BANP: variants seen among roughly 807,000 people sequenced by gnomAD.
The protein encoded by BANP is BTG3 associated nuclear protein, also known as protein BANP.
BANP carries 11 observed loss-of-function variants against 68.1 expected under a neutral mutation model. The ratio of observed to expected loss-of-function variants is 0.16; its 90% CI spans 0.10 to 0.27. The LOEUF (loss-of-function observed/expected upper bound fraction) is 0.27, where lower values mean the gene tolerates loss of function less well. Among genes scored for constraint, BANP ranks in the 10% least tolerant of loss-of-function variants. The pLI is 1.00. For missense variants in BANP, 504 were observed against 722.7 expected (o/e 0.70, Z 3.47); for synonymous variants, 329 against 303.2 (o/e 1.09, Z -0.88).
intron 2 of BANP, chr16:87,978,716 A>G (rs763314495): frequency 6.0e-5 from 28 of 464,934 alleles, no homozygotes; most frequent in Middle Eastern, 6.4e-4. Flanking sequence ...AGTTTTTAAC[A>G]GTAATACCAG....
chr16:87,976,628 C>G (rs545761506), intron 2 of BANP, among the ~76,000 whole-genome samples: 14 of 152,246 alleles, frequency 9.2e-5, no homozygotes, highest in African/African-American at 2.9e-4. Context: ...TTTATTCCCC[C>G]AGAAGAGAGA....
rs940568075 is a variant in BANP, at chr16:88,067,173, G to A, written c.1377+1841G>A. ...CTTTGACCCTTTGCAGCTCTGTGCC[G>A]CCTGCCACTCAGTGTGTTCTTTGCT... On this transcript the variant is annotated intron_variant, in intron 12 of 13. Coordinates refer to ENST00000682872, the MANE Select transcript of BANP (RefSeq NM_001386991.1). 8.5e-5 allele frequency among the ~76,000 whole-genome samples: 13 copies of A among 152,290 alleles called. No homozygotes were observed. The South Asian group carries it at 1.2e-3, about 15-fold the overall frequency.
At chr16:88,068,621 C>T (rs539521879) in intron 12 of BANP, among the ~76,000 whole-genome samples, 5 of 152,278 alleles carry the variant, frequency 3.3e-5, no homozygotes, top group African/African-American at 1.2e-4. Flanking sequence ...TGCTGGCTGC[C>T]TCCTCCAGTG....
At position 88,018,406 on chromosome 16, in the gene BANP, G is replaced by T. The variant is rs769026392; in HGVS notation, c.656-22G>T. ...GCTTATTTGAGCCTTGGCCATCTGA[G>T]GACCTGTCTTCTGTTTTTCAGAGGA... is the stretch of plus-strand genomic sequence containing the variant. On this transcript the variant is annotated intron_variant, in intron 6 of 13. Transcript: ENST00000682872. The surrounding 1 kb of genome is among the most constrained non-coding windows in gnomAD (Gnocchi z 7.7). 27 of 1,601,780 alleles carry T rather than the reference G, an allele frequency of 1.7e-5. No individual in the cohort carries two copies. Among genetic ancestry groups the T allele is most frequent in the African/African-American group, 2.7e-5 (2 of 74,828 alleles).
chr16:87,950,847 T>C (rs2056735062), upstream of BANP: 1 of 152,104 alleles, frequency 6.6e-6, no homozygotes, highest in South Asian at 2.1e-4. Context: ...GGATAGACAC[T>C]GGGGACCCCT....
rs1370561157 is a variant in BANP, at chr16:88,071,845, C to T, written c.1378-224C>T. On this transcript the variant is annotated intron_variant, in intron 12 of 13. Transcript: ENST00000682872. This position sits in a 1 kb window ranked among gnomAD's most constrained non-coding sequence, Gnocchi z 6.5. ...GGTGCTTGAGGGCGGAGTTGCAGAT[C>T]CAGCAGAGACTCGATGGCACTCTCT... 1.4e-6 allele frequency: 1 copy of T among 707,338 alleles called. No individual in the cohort carries two copies. The highest frequency in any genetic ancestry group is 2.0e-5 in the Admixed American group (1 of 49,708). The allele number at this position is 707,338 out of a possible 1,614,324, so 43.8% of individuals were successfully genotyped here.
Position 88,004,536 on chromosome 16 carries a change from G to T in BANP, c.479+125G>T. 1 of 618,532 alleles carries T rather than the reference G, an allele frequency of 1.6e-6. No homozygotes were observed. The highest frequency in any genetic ancestry group is 2.8e-6 in the Non-Finnish European group (1 of 363,108). 38.3% of individuals were successfully genotyped at this position (618,532 alleles called of 1,614,324 possible). A position where few individuals can be genotyped will look rare whatever the true frequency, so the allele number is the denominator to read the frequency against. Reference sequence around the variant, plus strand: ...TTCATCTCTGTGGTCACAGGGTTGAGCCTGGCAGGCACCGCCCCAGCTCTC... The same window carrying T: ...TTCATCTCTGTGGTCACAGGGTTGATCCTGGCAGGCACCGCCCCAGCTCTC... On this transcript the variant is annotated intron_variant, in intron 5 of 13. Coordinates refer to ENST00000682872, the MANE Select transcript of BANP (RefSeq NM_001386991.1). The surrounding 1 kb of genome is among the most constrained non-coding windows in gnomAD (Gnocchi z 7.0).
intron 11 of BANP, among the ~76,000 whole-genome samples, chr16:88,048,827 C>G (rs947347677): frequency 6.6e-6 from 1 of 151,906 alleles, no homozygotes; most frequent in Non-Finnish European, 1.5e-5. Context: ...GAAAGGACAT[C>G]GATTCTAACA....
At chr16:87,966,068 C>G (rs113845244) in intron 1 of BANP, among the ~76,000 whole-genome samples, 1 of 152,220 alleles carries the variant, frequency 6.6e-6, no homozygotes, top group Admixed American at 6.5e-5. Context: ...TCATCCGCAC[C>G]GCTGTGCAGC....
chr16:88,020,435 C>G (rs778490647), intron 7 of BANP, among the ~76,000 whole-genome samples: 9 of 152,218 alleles, frequency 5.9e-5, no homozygotes, highest in Admixed American at 3.3e-4. Context: ...CGTGCTGGTG[C>G]TTGCTGTGTG....
upstream of BANP, chr16:87,949,797 G>C (rs952195664): frequency 6.6e-6 from 1 of 152,154 alleles, no homozygotes; most frequent in African/African-American, 2.4e-5. Flanking sequence ...CCATGACTGC[G>C]CTGAATCCTG....
In BANP at chr16:88,033,221, C is replaced by T. The variant is rs762967618; in HGVS notation, c.1176C>T (p.Ile392=). ...CACAGCAGGTGCAGATCCACCAGAT[C>T]GGAGAAGACGGACAGGTGCAAGTAG... ...ANAQQVQIHQ[I]GEDGQVQVIP... The change falls in exon 9 of 14, where the codon ATC becomes ATT. Residue 392 remains isoleucine (I), a synonymous_variant. Transcript: ENST00000682872. 2.1e-5 allele frequency: 34 copies of T among 1,606,180 alleles called. No individual in the cohort carries two copies. In the Admixed American group the frequency reaches 2.5e-4, roughly 12 times the overall value.
At chr16:87,982,111 G>A (rs1193002063) in intron 3 of BANP, among the ~76,000 whole-genome samples, 2 of 152,222 alleles carry the variant, frequency 1.3e-5, no homozygotes, top group Non-Finnish European at 2.9e-5. Flanking sequence ...CCAATGGATA[G>A]GATGTGGCTC....
Position 88,002,896 on chromosome 16 carries a change from A to G in BANP, c.363-1399A>G. Among the ~76,000 whole-genome samples, 1 of 152,178 alleles carries G rather than the reference A, an allele frequency of 6.6e-6. No homozygotes were observed. The highest frequency in any genetic ancestry group is 2.4e-5 in the African/African-American group (1 of 41,450). On this transcript the variant is annotated intron_variant, in intron 4 of 13. Transcript: ENST00000682872. This position sits in a 1 kb window ranked among gnomAD's most constrained non-coding sequence, Gnocchi z 4.6. ...CTTCAGTTGCTCATGGGGGGAGAGA[A>G]TAAATGCATGTGTGGACATGCTGTG...
chr16:88,033,308 C>T, intron 9 of BANP, 63 bp downstream of exon 9: 15 of 1,439,734 alleles, frequency 1.0e-5, no homozygotes, highest in Non-Finnish European at 1.4e-5. Context: ...ACGGCAGGGC[C>T]ATGGCGGCTT....
At chr16:88,030,859 C>G (rs903891366) in intron 8 of BANP, among the ~76,000 whole-genome samples, 2 of 152,156 alleles carry the variant, frequency 1.3e-5, no homozygotes, top group African/African-American at 4.8e-5. Context: ...GACAGACTGT[C>G]ATGGTGGCAG....
intron 3 of BANP, among the ~76,000 whole-genome samples, chr16:87,981,395 C>A (rs914730344): frequency 6.6e-6 from 1 of 152,186 alleles, no homozygotes; most frequent in African/African-American, 2.4e-5. Context: ...ATGTTGCGGC[C>A]GCCTCTGTGT....
chr16:87,993,985 C>T (rs1382313555), intron 4 of BANP, among the ~76,000 whole-genome samples: 1 of 152,128 alleles, frequency 6.6e-6, no homozygotes, highest in Non-Finnish European at 1.5e-5. Flanking sequence ...TGAGCCGTTT[C>T]TCCGTGAATT....
At chr16:88,030,485 A>G (rs1005399344) in intron 8 of BANP, among the ~76,000 whole-genome samples, 5 of 152,204 alleles carry the variant, frequency 3.3e-5, no homozygotes, top group Admixed American at 1.3e-4. Flanking sequence ...GCTTCATCCA[A>G]TGGGGAATGA....
Sources: allele counts gnomAD v4.1 joint callset (sites outside exome capture counted in the v4.1 genomes callset), GRCh38; gene constraint gnomAD v4.1.1; non-coding constraint Gnocchi (gnomAD v3.1); transcripts MANE v1.5; gene names NCBI Gene and HGNC (gene_info 2026-07-23, HGNC 2026-07-21).